MROH9: variants seen among roughly 807,000 people sequenced by gnomAD.
MROH9 encodes maestro heat-like repeat-containing protein family member 9.
In MROH9, 92 loss-of-function variants were observed where a neutral mutation model predicts 98.2. The observed-to-expected ratio is 0.94, with a 90% CI of 0.79 to 1.11. The LOEUF (loss-of-function observed/expected upper bound fraction) is 1.11, where lower values mean the gene tolerates loss of function less well. Among genes scored for constraint, MROH9 ranks in the 50% most tolerant of loss-of-function variants. The probability of loss-of-function intolerance (pLI) is 0.00; values close to 1 mark genes in which losing one functional copy is unlikely to be tolerated. For synonymous variants in MROH9, 397 were observed against 368.9 expected (o/e 1.08, Z -0.87); for missense variants, 1,057 against 1,014.8 (o/e 1.04, Z -0.57).
chr1:171,002,062 C>T (rs553391016), intron 15 of MROH9, among the ~76,000 whole-genome samples: 1 of 152,198 alleles, frequency 6.6e-6, no homozygotes, highest in African/African-American at 2.4e-5. Flanking sequence ...ATAGCTACTC[C>T]TGCTCACTTG....
chr1:170,945,637 TG>T (rs1649301417), intron 2 of MROH9, 56 bp downstream of exon 2: 1 of 1,458,336 alleles, frequency 6.9e-7, no homozygotes, highest in African/African-American at 1.4e-5. Context: ...TATATGTGTG[TG>T]TATGAGTGAC....
rs1650465405 is a variant in MROH9 at position 170,971,766 on chromosome 1, T to C, written c.499T>C (p.Cys167Arg). The C allele has an allele frequency of 6.2e-7, 1 of 1,613,992 alleles. No homozygotes were observed. Among genetic ancestry groups the C allele is most frequent in the Non-Finnish European group, 8.5e-7 (1 of 1,179,862 alleles). ...CCATTAGATAAGTGTTGATGCTCCATGTTTGGGTCTCCTGGCAGCAGAGCT... is the reference window on the plus strand; with the variant it reads ...CCATTAGATAAGTGTTGATGCTCCACGTTTGGGTCTCCTGGCAGCAGAGCT... ...VRKYISVDAP[C>R]LGLLAAELSL... The change falls in exon 8 of 22, where the codon TGT becomes CGT. Residue 167 changes from cysteine (C) to arginine (R), a missense_variant. Cys to Arg is a radical substitution (Grantham distance 180). Coordinates refer to ENST00000367759, the MANE Select transcript of MROH9 (RefSeq NM_001163629.2).
chr1:170,975,250 G>T (rs1399317989), intron 8 of MROH9, among the ~76,000 whole-genome samples: 3 of 151,782 alleles, frequency 2.0e-5, no homozygotes. Context: ...AAACATACAT[G>T]AATTAAATGT....
intron 15 of MROH9, among the ~76,000 whole-genome samples, chr1:171,008,920 T>C (rs1280827236): frequency 6.6e-6 from 1 of 151,996 alleles, no homozygotes; most frequent in Non-Finnish European, 1.5e-5. Context: ...TATAGAAGTA[T>C]ATAAAATGTA....
chr1:171,051,326 A>T (rs761768566), intron 20 of MROH9, among the ~76,000 whole-genome samples: 2 of 152,154 alleles, frequency 1.3e-5, no homozygotes, highest in African/African-American at 2.4e-5. Context: ...TAGCAAAGAC[A>T]TAGAATAAGC....
At chr1:170,991,702 T>G (rs1054885123) in intron 11 of MROH9, among the ~76,000 whole-genome samples, 11 of 152,276 alleles carry the variant, frequency 7.2e-5, no homozygotes, top group African/African-American at 2.6e-4. Flanking sequence ...CAGTTTTGTT[T>G]TTATTTTTAT....
chr1:170,948,616 A>C (rs1649426508), intron 3 of MROH9, among the ~76,000 whole-genome samples: 1 of 152,124 alleles, frequency 6.6e-6, no homozygotes, highest in Admixed American at 6.6e-5. Flanking sequence ...AATAAAACTC[A>C]AATACTAGCC....
At chr1:170,971,686 T>C (rs1650461650) in intron 7 of MROH9, 62 bp from the exon 8 acceptor site, 1 of 1,570,950 alleles carries the variant, frequency 6.4e-7, no homozygotes, top group Non-Finnish European at 8.7e-7. Context: ...ATCAGATGCA[T>C]GCAGACATTT....
intron 3 of MROH9, among the ~76,000 whole-genome samples, chr1:170,950,196 C>T (rs1472478188): frequency 6.6e-6 from 1 of 151,992 alleles, no homozygotes; most frequent in Non-Finnish European, 1.5e-5. Context: ...TGTGTTTACC[C>T]TAAAACCAAA....
At chr1:170,956,657 G>T in intron 3 of MROH9, among the ~76,000 whole-genome samples, 1 of 136,408 alleles carries the variant, frequency 7.3e-6, no homozygotes. Context: ...TTCTCCCCTT[G>T]GTCGCTGTTG....
chr1:171,024,795 A>T, intron 19 of MROH9, 30 bp downstream of exon 19: 1 of 1,321,716 alleles, frequency 7.6e-7, no homozygotes, highest in Non-Finnish European at 1.1e-6. Context: ...TTACTACTAT[A>T]AGAGTTGTAG....
intron 20 of MROH9, among the ~76,000 whole-genome samples, chr1:171,027,365 C>G (rs982505753): frequency 1.3e-5 from 2 of 152,136 alleles, no homozygotes; most frequent in African/African-American, 4.8e-5. Context: ...TCATCCATGT[C>G]CCTGCAAAGA....
At position 170,958,579 on chromosome 1, in the gene MROH9, G is replaced by GCT; in HGVS notation, c.152+39_152+40insCT. 8 of 1,306,062 alleles carry GCT rather than the reference G, an allele frequency of 6.1e-6. No individual in the cohort carries two copies. In the African/African-American group the frequency reaches 1.1e-4, roughly 18 times the overall value. 80.9% of individuals were successfully genotyped at this position (1,306,062 alleles called of 1,614,324 possible). ...TCATGCTCTTTTATTTCACTAATTG[G>GCT]ATGCATTTAAAATGTTATATCTTTA... is the stretch of plus-strand genomic sequence containing the variant. On this transcript the variant is annotated intron_variant, in intron 4 of 21. Transcript: ENST00000367759.
chr1:170,970,421 G>T (rs1168874564), intron 7 of MROH9, among the ~76,000 whole-genome samples: 1 of 151,664 alleles, frequency 6.6e-6, no homozygotes, highest in East Asian at 1.9e-4. Flanking sequence ...CAAACCCAAA[G>T]AAAAGGACAT....
intron 8 of MROH9, among the ~76,000 whole-genome samples, chr1:170,972,753 A>C (rs1184624688): frequency 6.6e-6 from 1 of 151,356 alleles, no homozygotes; most frequent in Non-Finnish European, 1.5e-5. Flanking sequence ...CAGAGCTTAC[A>C]GTGAGCCGAG....
At chr1:171,050,584 T>G (rs1016338853) in intron 20 of MROH9, among the ~76,000 whole-genome samples, 1 of 149,850 alleles carries the variant, frequency 6.7e-6, no homozygotes, top group Non-Finnish European at 1.5e-5. Flanking sequence ...CTTTAGGGTT[T>G]TCTGCATGTA....
chr1:171,035,112 T>C (rs1653052129), intron 20 of MROH9, among the ~76,000 whole-genome samples: 1 of 152,012 alleles, frequency 6.6e-6, no homozygotes, highest in Non-Finnish European at 1.5e-5. Flanking sequence ...TCTTCATAAC[T>C]GAAGATAAAC....
intron 15 of MROH9, among the ~76,000 whole-genome samples, chr1:171,000,674 C>T (rs1651754458): frequency 1.3e-5 from 2 of 152,104 alleles, no homozygotes; most frequent in Admixed American, 6.6e-5. Context: ...CATCTATGCT[C>T]ATCAAGGATA....
At chr1:170,965,583 T>C (rs999660856) in intron 7 of MROH9, among the ~76,000 whole-genome samples, 1 of 152,174 alleles carries the variant, frequency 6.6e-6, no homozygotes, top group Non-Finnish European at 1.5e-5. Context: ...TTTCTTCTTA[T>C]GTATTACTTC....
Sources: gnomAD v4.1 joint callset for allele counts (sites outside exome capture counted in the v4.1 genomes callset) on GRCh38, gnomAD v4.1.1 for gene constraint, MANE v1.5 for transcripts, NCBI Gene and HGNC (gene_info 2026-07-23, HGNC 2026-07-21) for gene names.